Variants in ACIN1 observed in about 807,000 individuals in gnomAD.
The protein encoded by ACIN1 is apoptotic chromatin condensation inducer 1.
Under a neutral mutation model 146.6 loss-of-function variants are expected in ACIN1, and 16 were observed. The observed-to-expected ratio is 0.11, with a 90% CI of 0.07 to 0.17. The LOEUF is 0.17. Among genes scored for constraint, ACIN1 ranks in the 10% least tolerant of loss-of-function variants. The probability of loss-of-function intolerance (pLI) is 1.00; values close to 1 mark genes in which losing one functional copy is unlikely to be tolerated. For missense variants in ACIN1, 1,357 were observed against 1,609.3 expected (o/e 0.84, Z 2.68); for synonymous variants, 569 against 582.7 (o/e 0.98, Z 0.34).
At chr14:23,081,007 T>C (rs529548484) in intron 5 of ACIN1, among the ~76,000 whole-genome samples, 198 bp from the exon 6 acceptor site, 1 of 150,226 alleles carries the variant, frequency 6.7e-6, no homozygotes, top group Admixed American at 6.6e-5. Flanking sequence ...AAAAGAAATA[T>C]CACAATGAAG....
chr14:23,068,270 GA>G lies in ACIN1; in HGVS notation c.2265+1205del, dbSNP rs112625563. 2 of 985,904 alleles carry G rather than the reference GA, an allele frequency of 2.0e-6. No homozygotes were observed. 61.1% of individuals were successfully genotyped at this position (985,904 alleles called of 1,614,324 possible). A position where few individuals can be genotyped will look rare whatever the true frequency, so the allele number is the denominator to read the frequency against. On this transcript the variant is annotated intron_variant, in intron 9 of 18. Transcript: ENST00000605057. The surrounding 1 kb of genome is among the most constrained non-coding windows in gnomAD (Gnocchi z 4.3). ...AGGAGGTCTTGGTGCCCTAGATGGG[GA>G]TCCCAACAGTCTGTAGCAAACAAGG... is the stretch of plus-strand genomic sequence containing the variant.
intron 10 of ACIN1, chr14:23,064,826 G>A (rs764379101): frequency 5.5e-5 from 11 of 200,772 alleles, no homozygotes; most frequent in African/African-American, 1.7e-4. Context: ...CCCGGGAGGC[G>A]GAGGCTGCAG....
intron 3 of ACIN1, 140 bp downstream of exon 3, chr14:23,090,382 G>T: frequency 1.2e-6 from 1 of 831,272 alleles, no homozygotes; most frequent in Non-Finnish European, 1.9e-6. Flanking sequence ...AAACCACTTG[G>T]CTTCATGGGC....
intron 4 of ACIN1, among the ~76,000 whole-genome samples, chr14:23,086,400 T>C (rs1477853162): frequency 2.0e-5 from 3 of 152,218 alleles, no homozygotes; most frequent in Admixed American, 6.5e-5. Flanking sequence ...CACACAGTCA[T>C]GATATAGAAG....
chr14:23,064,517 A>AC (rs1555370818), intron 10 of ACIN1, 29 bp from the exon 11 acceptor site: 1 of 1,612,032 alleles, frequency 6.2e-7, no homozygotes, highest in Non-Finnish European at 8.5e-7. Context: ...CCCAACAGTT[A>AC]GATGGTCTCA....
Position 23,059,082 on chromosome 14 carries a change from A to G in ACIN1, c.*66T>C. ...CTCCAGGGTGGTGGAGACTGTGCCT[A>G]TCCCTCTGTGGCCATAACCCCCTGG... On this transcript the variant is annotated 3_prime_UTR_variant, in exon 19 of 19. Coordinates refer to ENST00000605057, the MANE Select transcript of ACIN1 (RefSeq NM_001386863.1). 1.3e-6 allele frequency: 2 copies of G among 1,489,734 alleles called. No homozygotes were observed. The highest frequency in any genetic ancestry group is 1.8e-6 in the Non-Finnish European group (2 of 1,082,438). The allele number at this position is 1,489,734 out of a possible 1,614,324, so 92.3% of individuals were successfully genotyped here.
chr14:23,062,815 G>T (rs112546984), intron 14 of ACIN1, 114 bp downstream of exon 14: 30 of 1,236,600 alleles, frequency 2.4e-5, no homozygotes, highest in Non-Finnish European at 3.4e-5. Flanking sequence ...AGATCAGTGA[G>T]TAACTTAATC....
intron 5 of ACIN1, 91 bp downstream of exon 5, chr14:23,081,657 T>A: frequency 8.8e-7 from 1 of 1,136,356 alleles, no homozygotes. Context: ...CCCCTAAATG[T>A]AGAGACATAC....
intron 8 of ACIN1, among the ~76,000 whole-genome samples, chr14:23,073,210 GCCC>G (rs1445842190): frequency 6.6e-6 from 1 of 152,140 alleles, no homozygotes; most frequent in Non-Finnish European, 1.5e-5. Context: ...TACTTTATCT[GCCC>G]CCCATCTCTA....
In ACIN1 at chr14:23,062,182, C is replaced by T; in HGVS notation, c.3085G>A (p.Ala1029Thr). 1 of 1,613,938 alleles carries T rather than the reference C, an allele frequency of 6.2e-7. No homozygotes were observed. The highest frequency in any genetic ancestry group is 8.5e-7 in the Non-Finnish European group (1 of 1,179,970). The change falls in exon 16 of 19, where the codon GCC (alanine) becomes ACC (threonine). Residue 1029 changes from alanine (A) to threonine (T), a missense_variant. Physicochemically the swap from Ala to Thr is moderately conservative, Grantham distance 58. Transcript: ENST00000605057. The stretch of plus-strand genomic sequence containing the variant: ...AGGTTTCTTACCTCATCTTGCTCGG[C>T]ATAGTCAGCACAAAGGAATTTGGGA... The part of the protein sequence containing the change: ...SNPKFLCADY[A>T]EQDELDYHRG...
chr14:23,088,139 A>G (rs2048134295), intron 4 of ACIN1, among the ~76,000 whole-genome samples: 2 of 152,226 alleles, frequency 1.3e-5, no homozygotes, highest in Admixed American at 1.3e-4. Flanking sequence ...ATATGTATGC[A>G]GTAGGAATTC....
At chr14:23,063,694 G>T in intron 12 of ACIN1, 117 bp from the exon 13 acceptor site, 1 of 1,216,890 alleles carries the variant, frequency 8.2e-7, no homozygotes, top group Non-Finnish European at 1.2e-6. Context: ...TTCCGCTAGG[G>T]GTATTTCGTT....
Position 23,068,590 on chromosome 14 carries a change from G to A in ACIN1, c.2265+886C>T. The A allele has an allele frequency of 3.0e-6, 3 of 985,922 alleles. No homozygotes were observed. Among genetic ancestry groups the A allele is most frequent in the Non-Finnish European group, 3.6e-6 (3 of 829,978 alleles). The allele number at this position is 985,922 out of a possible 1,614,324, so 61.1% of individuals were successfully genotyped here. On this transcript the variant is annotated intron_variant, in intron 9 of 18. Transcript: ENST00000605057. The surrounding 1 kb of genome is among the most constrained non-coding windows in gnomAD (Gnocchi z 4.3). Reference sequence around the variant, plus strand: ...ATTGGGCAGCTCAGTAGCAGCGGGTGGGTCCAGAGGAAGAGGCGGCATCAG... The same window carrying A: ...ATTGGGCAGCTCAGTAGCAGCGGGTAGGTCCAGAGGAAGAGGCGGCATCAG...
chr14:23,060,942 A>G, intron 18 of ACIN1, 142 bp downstream of exon 18: 1 of 742,816 alleles, frequency 1.3e-6, no homozygotes, highest in Non-Finnish European at 2.2e-6. Flanking sequence ...TTAACTGAAA[A>G]CTGCCTTTTT....
In ACIN1 at chr14:23,068,531, T is replaced by C. The variant is rs1594753272; in HGVS notation, c.2265+945A>G. On this transcript the variant is annotated intron_variant, in intron 9 of 18. Coordinates refer to ENST00000605057, the MANE Select transcript of ACIN1 (RefSeq NM_001386863.1). The surrounding 1 kb of genome is among the most constrained non-coding windows in gnomAD (Gnocchi z 4.3). ...AGGAGCCCATATACATGCCCCCCTC[T>C]GGCCAAGACACCTGGATAGCAGACT... is the stretch of plus-strand genomic sequence containing the variant. The C allele has an allele frequency of 1.0e-6, 1 of 985,812 alleles. No homozygotes were observed. The highest frequency in any genetic ancestry group is 1.2e-6 in the Non-Finnish European group (1 of 829,976). 61.1% of individuals were successfully genotyped at this position (985,812 alleles called of 1,614,324 possible). A position where few individuals can be genotyped will look rare whatever the true frequency, so the allele number is the denominator to read the frequency against.
intron 4 of ACIN1, among the ~76,000 whole-genome samples, chr14:23,082,797 T>C (rs2047981590): frequency 6.6e-6 from 1 of 151,102 alleles, no homozygotes; most frequent in Non-Finnish European, 1.5e-5. Flanking sequence ...TGGAGTGCAA[T>C]GGCATGATCT....
intron 18 of ACIN1, among the ~76,000 whole-genome samples, chr14:23,060,193 A>G (rs1358516012): frequency 6.8e-6 from 1 of 146,850 alleles, no homozygotes; most frequent in Admixed American, 6.8e-5. Context: ...CCTGGCTTAG[A>G]TGGAGGCTTA....
At position 23,078,230 on chromosome 14, in the gene ACIN1, G is replaced by A. The variant is rs2140138611; in HGVS notation, c.2044C>T (p.Pro682Ser). ...GTTTGGGGCTGTGTGGCAGCTGGTG[G>A]CTCTGCCTCTTCAGCTTCACACTTC... ...PKKCEAEEAE[P>S]PAATQPQTSE... Residue 682 changes from proline to serine, a missense_variant, in exon 8 of 19, where the codon CCA (proline) becomes TCA (serine). Coordinates refer to ENST00000605057, the MANE Select transcript of ACIN1 (RefSeq NM_001386863.1). 1 of 1,614,152 alleles carries A rather than the reference G, an allele frequency of 6.2e-7. No homozygotes were observed. The highest frequency in any genetic ancestry group is 8.5e-7 in the Non-Finnish European group (1 of 1,179,998).
At position 23,067,445 on chromosome 14, in the gene ACIN1, G is replaced by C; in HGVS notation, c.2266-1437C>G. 1 of 983,988 alleles carries C rather than the reference G, an allele frequency of 1.0e-6. No individual in the cohort carries two copies. The highest frequency in any genetic ancestry group is 1.2e-6 in the Non-Finnish European group (1 of 829,568). 61.0% of individuals were successfully genotyped at this position (983,988 alleles called of 1,614,324 possible). On this transcript the variant is annotated intron_variant, in intron 9 of 18. Transcript: ENST00000605057. The surrounding 1 kb of genome is among the most constrained non-coding windows in gnomAD (Gnocchi z 4.6). The stretch of plus-strand genomic sequence containing the variant: ...GGGGTTGGGTTGGCAAAAAAGGTGG[G>C]CGCACGGCGTGGTAGTCAGCACGGC...
Sources: gnomAD v4.1 joint callset for allele counts (sites outside exome capture counted in the v4.1 genomes callset) on GRCh38, gnomAD v4.1.1 for gene constraint, Gnocchi (gnomAD v3.1) non-coding constraint, MANE v1.5 for transcripts, NCBI Gene and HGNC (gene_info 2026-07-23, HGNC 2026-07-21) for gene names.